ABCA1: variants seen among roughly 807,000 people sequenced by gnomAD.
ABCA1 encodes the protein phospholipid-transporting ATPase ABCA1.
In ABCA1, 133 loss-of-function variants were observed where a neutral mutation model predicts 262.5. That is an observed-to-expected ratio of 0.51 (90% CI 0.44 to 0.59). ABCA1 has a LOEUF of 0.59. ABCA1 is among the 20% of genes least tolerant of loss of function. The pLI is 0.00. For synonymous variants in ABCA1, 1,022 were observed against 1,043.5 expected (o/e 0.98, Z 0.40); for missense variants, 2,452 against 2,777.5 (o/e 0.88, Z 2.63).
At chr9:104,859,120 G>A (rs1382522078) in intron 6 of ABCA1, among the ~76,000 whole-genome samples, 2 of 152,196 alleles carry the variant, frequency 1.3e-5, no homozygotes, top group East Asian at 1.9e-4. Flanking sequence ...GAAATATGGG[G>A]AGAAAGCATT....
At chr9:104,785,242 C>T (rs1230497911) in intron 49 of ABCA1, among the ~76,000 whole-genome samples, 154 bp downstream of exon 49, 1 of 152,114 alleles carries the variant, frequency 6.6e-6, no homozygotes. Context: ...TTTTCAGGTT[C>T]AGAGAGGTTT....
chr9:104,870,228 A>G (rs552873739), intron 5 of ABCA1, among the ~76,000 whole-genome samples: 1 of 152,340 alleles, frequency 6.6e-6, no homozygotes, highest in African/African-American at 2.4e-5. Context: ...AAACTTCTGA[A>G]TGGCTACAGT....
chr9:104,809,642 T>TA (rs758507978), intron 29 of ABCA1, 78 bp from the exon 30 acceptor site: 161 of 1,289,582 alleles, frequency 1.2e-4, no homozygotes, highest in Admixed American at 1.7e-4. Flanking sequence ...TTTTATAAAT[T>TA]AAACATTTTA....
chr9:104,785,650 G>GA lies in ABCA1; in HGVS notation c.6402-12dup, dbSNP rs1828861357. The GA allele has an allele frequency of 3.1e-6, 5 of 1,613,592 alleles. No individual in the cohort carries two copies. Among genetic ancestry groups the GA allele is most frequent in the East Asian group, 2.2e-5 (1 of 44,860 alleles). On this transcript the variant is annotated splice_polypyrimidine_tract_variant and intron_variant, in intron 48 of 49. Coordinates refer to ENST00000374736, the MANE Select transcript of ABCA1 (RefSeq NM_005502.4). ...TAACCATCTCCAAACCTGAAAGCAG[G>GA]AAAAAATACCCAAATGGAGGATCTC...
intron 28 of ABCA1, 87 bp downstream of exon 28, chr9:104,812,487 A>C: frequency 6.4e-7 from 1 of 1,553,152 alleles, no homozygotes; most frequent in Non-Finnish European, 8.8e-7. Flanking sequence ...CCATATCTTG[A>C]CCAGGATGCT....
intron 1 of ABCA1, among the ~76,000 whole-genome samples, chr9:104,915,149 A>G (rs1456622452): frequency 6.6e-6 from 1 of 152,192 alleles, no homozygotes; most frequent in African/African-American, 2.4e-5. Flanking sequence ...CTTGCGCCAA[A>G]CTGAGTTATC....
intron 5 of ABCA1, among the ~76,000 whole-genome samples, chr9:104,879,066 T>C (rs1838394059): frequency 6.7e-6 from 1 of 148,824 alleles, no homozygotes; most frequent in African/African-American, 2.6e-5. Flanking sequence ...AGAGCGAGGC[T>C]CTGTCTTAAA....
At chr9:104,787,312 C>G (rs2274871) in intron 46 of ABCA1, among the ~76,000 whole-genome samples, 8,142 of 151,788 alleles carry the variant, frequency 0.054, 525 homozygotes, top group East Asian at 0.34. Flanking sequence ...TTGTCTGAAA[C>G]CTCTATTGAA....
In ABCA1 at chr9:104,903,791, G is replaced by A. The variant is rs1253240444; in HGVS notation, c.-92-20C>T. On this transcript the variant is annotated intron_variant, in intron 1 of 49. Coordinates refer to ENST00000374736, the MANE Select transcript of ABCA1 (RefSeq NM_005502.4). ...CATTAACTGAAAGATAAAGCAGGAG[G>A]GGAAACAGCCATCAGTTATTGCTGC... 5 of 998,032 alleles carry A rather than the reference G, an allele frequency of 5.0e-6. No individual in the cohort carries two copies. In the South Asian group the frequency reaches 6.9e-5, roughly 14 times the overall value. 61.8% of individuals were successfully genotyped at this position (998,032 alleles called of 1,614,324 possible). A position where few individuals can be genotyped will look rare whatever the true frequency, so the allele number is the denominator to read the frequency against.
chr9:104,904,499 G>A (rs937522789), intron 1 of ABCA1, among the ~76,000 whole-genome samples: 47 of 151,384 alleles, frequency 3.1e-4, no homozygotes, highest in African/African-American at 1.0e-3. Flanking sequence ...CCTGGCAGGC[G>A]GAGGTGCAGT....
chr9:104,903,585 C>G, intron 2 of ABCA1, 29 bp downstream of exon 2: 1 of 1,563,348 alleles, frequency 6.4e-7, no homozygotes. Flanking sequence ...AATGAGAGAA[C>G]CCCCCGCTGC....
At chr9:104,887,899 G>A (rs1839331760) in intron 3 of ABCA1, among the ~76,000 whole-genome samples, 1 of 151,800 alleles carries the variant, frequency 6.6e-6, no homozygotes, top group Non-Finnish European at 1.5e-5. Flanking sequence ...GCTAATTTTT[G>A]TATTTTTAGT....
rs767710036 is a variant in ABCA1 at position 104,858,553 on chromosome 9, C to T, written c.689G>A (p.Arg230His). The change falls in exon 7 of 50, where the codon CGT (arginine) becomes CAT (histidine). Residue 230 changes from arginine (R) to histidine (H), a missense_variant. By Grantham distance (29) the Arg-to-His change is conservative. This residue lies in a region of ABCA1 where 1,032 missense variants were observed against 1,089.7 expected (regional missense o/e 0.95). Transcript: ENST00000374736. ...EKLAAAERVL[R>H]SNMDILKPIL... The stretch of plus-strand genomic sequence containing the variant: ...TGGCTTCAGGATGTCCATGTTGGAA[C>T]GAAGTACTCGCTCTGCTGCAGCCAG... 64 of 1,614,088 alleles carry T rather than the reference C, an allele frequency of 4.0e-5. No individual in the cohort carries two copies. The highest frequency in any genetic ancestry group is 1.7e-4 in the Middle Eastern group (1 of 5,986).
intron 1 of ABCA1, among the ~76,000 whole-genome samples, chr9:104,916,769 T>C (rs969136727): frequency 6.6e-6 from 1 of 152,180 alleles, no homozygotes; most frequent in Non-Finnish European, 1.5e-5. Flanking sequence ...AACTTCAGCC[T>C]CCTGGGTTCA....
chr9:104,891,966 TAAAAAAAAAAA>T (rs570923490), intron 2 of ABCA1, among the ~76,000 whole-genome samples: 20 of 59,228 alleles, frequency 3.4e-4, no homozygotes, highest in East Asian at 1.2e-3. Context: ...CTCTGTCTCT[TAAAAAAAAAAA>T]AAAAAAAAAA....
At chr9:104,901,454 G>C (rs1222564457) in intron 2 of ABCA1, among the ~76,000 whole-genome samples, 1 of 152,088 alleles carries the variant, frequency 6.6e-6, no homozygotes. Context: ...ACTCACTAAT[G>C]GACACACAAC....
At chr9:104,855,964 G>A (rs774249117) in intron 7 of ABCA1, 1 of 1,612,882 alleles carries the variant, frequency 6.2e-7, no homozygotes, top group Non-Finnish European at 8.5e-7. Context: ...TGGTACAGAA[G>A]CACATATTGA....
At chr9:104,873,775 C>T (rs750241232) in intron 5 of ABCA1, among the ~76,000 whole-genome samples, 18 of 152,200 alleles carry the variant, frequency 1.2e-4, no homozygotes, top group Non-Finnish European at 2.4e-4. Flanking sequence ...GTACTAAGTG[C>T]TTCCCCTTAT....
At chr9:104,866,711 C>A (rs2119125840) in intron 5 of ABCA1, among the ~76,000 whole-genome samples, 1 of 152,286 alleles carries the variant, frequency 6.6e-6, no homozygotes, top group South Asian at 2.1e-4. Flanking sequence ...TGGTCTTGAA[C>A]TCCTGACCTC....
Sources: gnomAD v4.1 joint callset for allele counts (sites outside exome capture counted in the v4.1 genomes callset) on GRCh38, gnomAD v4.1.1 for gene constraint, gnomAD v4.1.1 regional missense constraint, MANE v1.5 for transcripts, NCBI Gene and HGNC (gene_info 2026-07-23, HGNC 2026-07-21) for gene names.